Variants in LCLAT1 observed in about 807,000 individuals in gnomAD.
The protein encoded by LCLAT1 is 1-AGP acyltransferase 8.
LCLAT1 carries 11 observed loss-of-function variants against 30.7 expected under a neutral mutation model. That is an observed-to-expected ratio of 0.36 (90% CI 0.23 to 0.59). LCLAT1 has a LOEUF of 0.59. Ranked by LOEUF, LCLAT1 falls within the 20% of genes least tolerant of loss-of-function variation. LCLAT1 has a pLI of 0.77. For missense variants in LCLAT1, 402 were observed against 458.6 expected (o/e 0.88, Z 1.13); for synonymous variants, 155 against 151.3 (o/e 1.02, Z -0.18).
intron 3 of LCLAT1, among the ~76,000 whole-genome samples, chr2:30,535,133 A>G (rs571742723): frequency 8.1e-4 from 124 of 152,294 alleles, no homozygotes; most frequent in African/African-American, 2.9e-3. Flanking sequence ...TTGTAGGACA[A>G]TGGCAGCTGT....
At chr2:30,572,151 T>A (rs1665806194) in intron 5 of LCLAT1, among the ~76,000 whole-genome samples, 1 of 152,212 alleles carries the variant, frequency 6.6e-6, no homozygotes, top group Non-Finnish European at 1.5e-5. Flanking sequence ...TCATATTGTT[T>A]CTTTGTTCCT....
intron 4 of LCLAT1, among the ~76,000 whole-genome samples, chr2:30,566,121 T>C (rs908221588): frequency 1.3e-5 from 2 of 152,128 alleles, no homozygotes; most frequent in African/African-American, 4.8e-5. Flanking sequence ...GATGAGTAGA[T>C]GAAGTAGGGG....
At chr2:30,612,229 C>G (rs937901188) in intron 5 of LCLAT1, among the ~76,000 whole-genome samples, 4 of 152,050 alleles carry the variant, frequency 2.6e-5, no homozygotes, top group African/African-American at 9.7e-5. Flanking sequence ...GATTGCATTC[C>G]AGAATGTCAG....
intron 5 of LCLAT1, among the ~76,000 whole-genome samples, chr2:30,632,483 G>A (rs1290587473): frequency 2.6e-5 from 4 of 152,346 alleles, no homozygotes; most frequent in South Asian, 4.1e-4. Flanking sequence ...TATGGGAGAG[G>A]AGTGGACTGC....
intron 1 of LCLAT1, among the ~76,000 whole-genome samples, chr2:30,467,826 A>C (rs1434579608): frequency 6.6e-6 from 1 of 152,072 alleles, no homozygotes. Flanking sequence ...TTCTTTGTAG[A>C]TTCTGGGTAT....
At chr2:30,629,514 C>A (rs757734333) in intron 5 of LCLAT1, among the ~76,000 whole-genome samples, 10 of 152,066 alleles carry the variant, frequency 6.6e-5, no homozygotes, top group Non-Finnish European at 1.3e-4. Context: ...GAGCTGAGAT[C>A]GCGCCATTGC....
At chr2:30,588,592 T>TG (rs1439370454) in intron 5 of LCLAT1, among the ~76,000 whole-genome samples, 1 of 152,024 alleles carries the variant, frequency 6.6e-6, no homozygotes, top group Admixed American at 6.6e-5. Context: ...TGTTTTGTTT[T>TG]TTTGTTTTTT....
At chr2:30,628,008 T>C (rs1301809350) in intron 5 of LCLAT1, among the ~76,000 whole-genome samples, 1 of 152,148 alleles carries the variant, frequency 6.6e-6, no homozygotes, top group Admixed American at 6.5e-5. Flanking sequence ...TTTGCTGCAA[T>C]CTATAAGGTC....
intron 5 of LCLAT1, among the ~76,000 whole-genome samples, chr2:30,634,901 C>T (rs1037871527): frequency 1.3e-5 from 2 of 152,228 alleles, no homozygotes; most frequent in East Asian, 3.8e-4. Flanking sequence ...CCTCTTTCAC[C>T]TGTTCCCTAT....
In LCLAT1 at chr2:30,640,461, CTCATA is replaced by C. The variant is rs1558575296; in HGVS notation, c.975_979del (p.Ile326PhefsTer6). On this transcript the variant is annotated frameshift_variant, in exon 6 of 6. Transcript: ENST00000379509. LOFTEE classifies it high-confidence loss of function. ...CCTGTTCAGCCCTGCAATGTGCCTA[CTCATA>C]TATTTGTACAGTCTTGTTAAGTGGT... The C allele has an allele frequency of 6.2e-7, 1 of 1,614,128 alleles. No individual in the cohort carries two copies. Among genetic ancestry groups the C allele is most frequent in the Non-Finnish European group, 8.5e-7 (1 of 1,179,966 alleles).
chr2:30,499,857 A>G (rs1684287374), intron 1 of LCLAT1, among the ~76,000 whole-genome samples: 1 of 152,124 alleles, frequency 6.6e-6, no homozygotes, highest in African/African-American at 2.4e-5. Flanking sequence ...CTATGTTTTT[A>G]TTTATTAATG....
intron 1 of LCLAT1, among the ~76,000 whole-genome samples, chr2:30,511,098 G>C (rs1177021888): frequency 2.0e-5 from 3 of 151,934 alleles, no homozygotes; most frequent in African/African-American, 7.3e-5. Flanking sequence ...CTCATTATCT[G>C]TTCCTAATAA....
chr2:30,636,588 C>A (rs1468806397), intron 5 of LCLAT1, among the ~76,000 whole-genome samples: 1 of 152,136 alleles, frequency 6.6e-6, no homozygotes, highest in African/African-American at 2.4e-5. Context: ...AATCTAGAAT[C>A]TTTCATCAAG....
In LCLAT1 at chr2:30,460,057, G is replaced by T. The variant is rs535048787; in HGVS notation, c.-5+12674G>T. Among the ~76,000 whole-genome samples, 21 of 152,260 alleles carry T rather than the reference G, an allele frequency of 1.4e-4. 1 individual carries two copies. The East Asian group carries it at 3.9e-3, about 28-fold the overall frequency. On this transcript the variant is annotated intron_variant, in intron 1 of 5. Transcript: ENST00000379509. ...GTCGAAAATATTAAATTTTTTGGAGGTTATCCCTTACACTTTCTGCTGCAT... is the reference window on the plus strand; with the variant it reads ...GTCGAAAATATTAAATTTTTTGGAGTTTATCCCTTACACTTTCTGCTGCAT...
Position 30,481,283 on chromosome 2 carries a change from G to A in LCLAT1, c.-5+33900G>A, listed in dbSNP as rs980684450. On this transcript the variant is annotated intron_variant, in intron 1 of 5. Coordinates refer to ENST00000379509, the MANE Select transcript of LCLAT1 (RefSeq NM_001002257.3). ...CTGGATTTACATTGTAAGATTACAC[G>A]CAAGTGTTAGGTAAGTAGATGAACC... Among the ~76,000 whole-genome samples, 4 of 152,200 alleles carry A rather than the reference G, an allele frequency of 2.6e-5. No individual in the cohort carries two copies. In the East Asian group the frequency reaches 5.8e-4, roughly 22 times the overall value.
chr2:30,452,592 A>T (rs1254298678), intron 1 of LCLAT1, among the ~76,000 whole-genome samples: 1 of 152,210 alleles, frequency 6.6e-6, no homozygotes, highest in African/African-American at 2.4e-5. Flanking sequence ...ATGATATTTT[A>T]TGAACATAAT....
intron 5 of LCLAT1, among the ~76,000 whole-genome samples, chr2:30,605,432 C>T (rs1667392909): frequency 6.6e-6 from 1 of 152,184 alleles, no homozygotes; most frequent in Admixed American, 6.5e-5. Flanking sequence ...CAATGCAGGA[C>T]ACTGTATGCA....
chr2:30,594,039 T>C (rs1378445444), intron 5 of LCLAT1, among the ~76,000 whole-genome samples: 2 of 152,070 alleles, frequency 1.3e-5, no homozygotes, highest in East Asian at 1.9e-4. Context: ...AAATGTAATA[T>C]AGGTTTTATG....
At chr2:30,617,041 G>C (rs533503766) in intron 5 of LCLAT1, among the ~76,000 whole-genome samples, 2 of 152,190 alleles carry the variant, frequency 1.3e-5, no homozygotes, top group Non-Finnish European at 2.9e-5. Flanking sequence ...AGCTTTTAGA[G>C]GTAGAATTTA....
Sources: gnomAD v4.1 joint callset for allele counts (sites outside exome capture counted in the v4.1 genomes callset) on GRCh38, gnomAD v4.1.1 for gene constraint, MANE v1.5 for transcripts, NCBI Gene and HGNC (gene_info 2026-07-23, HGNC 2026-07-21) for gene names.